The following CACNA2D1 variants were observed in gnomAD, a reference collection of about 807,000 sequenced individuals.
CACNA2D1 encodes calcium voltage-gated channel auxiliary subunit alpha2delta 1.
A neutral mutation model predicts 171.5 loss-of-function variants in CACNA2D1; 53 were observed. The observed-to-expected ratio is 0.31, with a 90% confidence interval of 0.25 to 0.39. The LOEUF (loss-of-function observed/expected upper bound fraction) is 0.39, where lower values mean the gene tolerates loss of function less well. CACNA2D1 is among the 10% of genes least tolerant of loss of function. CACNA2D1 has a pLI of 1.00. For missense variants in CACNA2D1, 903 were observed against 1,299.8 expected (o/e 0.69, Z 4.69); for synonymous variants, 442 against 443.1 (o/e 1.00, Z 0.03).
intron 1 of CACNA2D1, among the ~76,000 whole-genome samples, chr7:82,400,451 G>C (rs1454493503): frequency 1.3e-5 from 2 of 152,178 alleles, no homozygotes; most frequent in Admixed American, 6.5e-5. Flanking sequence ...ACAAGCAATG[G>C]GGAAACGATT....
chr7:82,015,087 A>AAAAT (rs1800287478), intron 12 of CACNA2D1, among the ~76,000 whole-genome samples: 1 of 152,174 alleles, frequency 6.6e-6, no homozygotes, highest in South Asian at 2.1e-4. Context: ...AAGAAAAAAG[A>AAAAT]AAATACATCT....
At chr7:82,161,105 A>T (rs911506790) in intron 4 of CACNA2D1, among the ~76,000 whole-genome samples, 10 of 152,052 alleles carry the variant, frequency 6.6e-5, no homozygotes, top group African/African-American at 2.2e-4. Context: ...GTCTGATTGG[A>T]TTAAAAAAGC....
At chr7:82,111,719 G>C (rs1427192696) in intron 6 of CACNA2D1, among the ~76,000 whole-genome samples, 1 of 151,600 alleles carries the variant, frequency 6.6e-6, no homozygotes, top group African/African-American at 2.4e-5. Flanking sequence ...AAAGTGCTGG[G>C]ATTACAGGCA....
intron 3 of CACNA2D1, among the ~76,000 whole-genome samples, chr7:82,222,908 T>TTTTG (rs1210277311): frequency 1.7e-4 from 25 of 148,868 alleles, no homozygotes; most frequent in Middle Eastern, 3.4e-3. Context: ...CTTTTTTTTT[T>TTTTG]TTTGTTTGTT....
intron 38 of CACNA2D1, among the ~76,000 whole-genome samples, chr7:81,957,657 C>T (rs1257522864): frequency 6.6e-6 from 1 of 152,004 alleles, no homozygotes; most frequent in African/African-American, 2.4e-5. Context: ...AGTCTCCATC[C>T]AGAGCAGATT....
chr7:82,231,803 T>C (rs1228674253), intron 3 of CACNA2D1, among the ~76,000 whole-genome samples: 1 of 152,186 alleles, frequency 6.6e-6, no homozygotes, highest in Non-Finnish European at 1.5e-5. Context: ...CTAATTCTTG[T>C]AAAGTCTTTG....
intron 24 of CACNA2D1, among the ~76,000 whole-genome samples, chr7:81,980,114 T>A (rs989599673): frequency 2.3e-4 from 31 of 132,306 alleles, no homozygotes; most frequent in African/African-American, 8.2e-4. Context: ...TGTATGTGTG[T>A]GTAGTCCAAA....
chr7:82,355,047 T>C (rs1466997488), intron 1 of CACNA2D1, among the ~76,000 whole-genome samples: 4 of 152,164 alleles, frequency 2.6e-5, no homozygotes, highest in African/African-American at 9.7e-5. Context: ...AGATTTCAAA[T>C]TTTTATTTTT....
chr7:82,412,488 G>A (rs1827780249), intron 1 of CACNA2D1, among the ~76,000 whole-genome samples: 1 of 151,804 alleles, frequency 6.6e-6, no homozygotes, highest in African/African-American at 2.4e-5. Flanking sequence ...TCAGCATGCT[G>A]GTCAGGCTGG....
At chr7:82,428,435 T>C (rs1001985278) in intron 1 of CACNA2D1, among the ~76,000 whole-genome samples, 3 of 152,194 alleles carry the variant, frequency 2.0e-5, no homozygotes, top group African/African-American at 2.4e-5. Flanking sequence ...ATTTTATGAC[T>C]TGGACCTCCC....
chr7:82,147,843 A>G (rs1350048593), intron 4 of CACNA2D1, among the ~76,000 whole-genome samples: 1 of 152,198 alleles, frequency 6.6e-6, no homozygotes, highest in Non-Finnish European at 1.5e-5. Flanking sequence ...TAATCACTAC[A>G]TCAATTTCAT....
At chr7:81,962,113 G>C in intron 35 of CACNA2D1, 90 bp from the exon 36 acceptor site, 1 of 1,272,480 alleles carries the variant, frequency 7.9e-7, no homozygotes, top group Non-Finnish European at 1.1e-6. Flanking sequence ...TTCTCACAGA[G>C]CAAAATAAAC....
At chr7:82,038,586 T>C (rs147276378) in intron 10 of CACNA2D1, among the ~76,000 whole-genome samples, 73 of 152,322 alleles carry the variant, frequency 4.8e-4, no homozygotes, top group Middle Eastern at 3.4e-3. Flanking sequence ...AGAAATGATA[T>C]GGGATGCTTG....
At chr7:82,065,170 C>A (rs1196298287) in intron 8 of CACNA2D1, among the ~76,000 whole-genome samples, 2 of 152,104 alleles carry the variant, frequency 1.3e-5, no homozygotes, top group Admixed American at 1.3e-4. Flanking sequence ...CAGGAGGCTG[C>A]CAGTTAACTT....
chr7:82,359,972 C>G (rs1820902333), intron 1 of CACNA2D1, among the ~76,000 whole-genome samples: 1 of 152,174 alleles, frequency 6.6e-6, no homozygotes, highest in South Asian at 2.1e-4. Flanking sequence ...ATTAGTCCTA[C>G]TTTACAGATG....
At chr7:82,009,774 T>C (rs962628142) in intron 15 of CACNA2D1, among the ~76,000 whole-genome samples, 2 of 152,072 alleles carry the variant, frequency 1.3e-5, no homozygotes, top group South Asian at 2.1e-4. Context: ...GACCAAAAAC[T>C]TGTACTCTAC....
intron 1 of CACNA2D1, among the ~76,000 whole-genome samples, chr7:82,422,744 A>G (rs1339712308): frequency 6.6e-6 from 1 of 152,156 alleles, no homozygotes. Flanking sequence ...AAAAAAATAG[A>G]TAACCTTGTA....
intron 7 of CACNA2D1, among the ~76,000 whole-genome samples, chr7:82,072,352 TTAAAAA>T (rs1808425325): frequency 6.6e-6 from 1 of 151,966 alleles, no homozygotes; most frequent in Admixed American, 6.6e-5. Context: ...CCCATAAAAA[TTAAAAA>T]TAAAAGTAAA....
rs1330853411 is a variant in CACNA2D1 at position 82,081,500 on chromosome 7, A to G, written c.658+3269T>C. Among the ~76,000 whole-genome samples, 5 of 152,356 alleles carry G rather than the reference A, an allele frequency of 3.3e-5. No homozygotes were observed. The East Asian group carries it at 9.7e-4, about 29-fold the overall frequency. Reference sequence around the variant, plus strand: ...ACTAAACTAAAATCCATTCAAGTGTATTCCCTAGCAGTCAAGTGGGCTATT... The same window carrying G: ...ACTAAACTAAAATCCATTCAAGTGTGTTCCCTAGCAGTCAAGTGGGCTATT... On this transcript the variant is annotated intron_variant, in intron 7 of 38. Transcript: ENST00000356860.
Sources: gnomAD v4.1 joint callset for allele counts (sites outside exome capture counted in the v4.1 genomes callset) on GRCh38, gnomAD v4.1.1 for gene constraint, MANE v1.5 for transcripts, NCBI Gene and HGNC (gene_info 2026-07-23, HGNC 2026-07-21) for gene names.